Variants in CLIC2 observed in about 807,000 individuals in gnomAD.
CLIC2 encodes chloride intracellular channel protein 2.
In CLIC2, 9 loss-of-function variants were observed where a neutral mutation model predicts 14.8. The ratio of observed to expected loss-of-function variants is 0.61; its 90% CI spans 0.37 to 1.06. The LOEUF is 1.06. CLIC2 is among the 50% of genes least tolerant of loss of function. CLIC2 has a pLI of 0.01. For synonymous variants in CLIC2, 61 were observed against 66.3 expected (o/e 0.92, Z 0.39); for missense variants, 148 against 181.4 (o/e 0.82, Z 1.06).
intron 1 of CLIC2, among the ~76,000 whole-genome samples, chrX:155,301,167 G>A (rs1343967854): frequency 1.2e-4 from 11 of 89,709 alleles, no homozygotes; most frequent in African/African-American, 4.2e-4. Context: ...ATTACCTTGG[G>A]CAGTATGGCC....
intron 1 of CLIC2, among the ~76,000 whole-genome samples, chrX:155,327,671 G>T (rs1557322469): frequency 1.8e-5 from 2 of 110,799 alleles, no homozygotes; most frequent in African/African-American, 6.5e-5. Flanking sequence ...AATAGCTAAT[G>T]GGTACTAGGC....
chrX:155,318,461 G>T (rs1466462376), intron 1 of CLIC2, among the ~76,000 whole-genome samples: 1 of 111,432 alleles, frequency 9.0e-6, no homozygotes, highest in East Asian at 2.8e-4. Context: ...TACCATAGTT[G>T]CAAAAAATAA....
At position 155,277,730 on chromosome X, in the gene CLIC2, A is replaced by G; in HGVS notation, c.*173T>C. On this transcript the variant is annotated 3_prime_UTR_variant, in exon 6 of 6. Coordinates refer to ENST00000369449, the MANE Select transcript of CLIC2 (RefSeq NM_001289.6). ...ATTAAGTAAAAGTATGAAGACCTGT[A>G]AAATACAGTGGACAGATTATTTATG... is the stretch of plus-strand genomic sequence containing the variant. 2.2e-6 allele frequency: 1 copy of G among 448,436 alleles called. No individual in the cohort carries two copies. The highest frequency in any genetic ancestry group is 3.8e-6 in the Non-Finnish European group (1 of 263,075). 37.0% of individuals were successfully genotyped at this position (448,436 alleles called of 1,213,427 possible).
At chrX:155,317,612 C>T (rs1264381079) in intron 1 of CLIC2, among the ~76,000 whole-genome samples, 2 of 111,759 alleles carry the variant, frequency 1.8e-5, no homozygotes, top group African/African-American at 6.5e-5. Flanking sequence ...GACAGATTTA[C>T]AGCTGCATTC....
intron 3 of CLIC2, chrX:155,293,101 G>A: frequency 3.2e-6 from 2 of 617,895 alleles, no homozygotes; most frequent in South Asian, 2.2e-5. Flanking sequence ...AGATGACGGC[G>A]AAGATGGTTG....
intron 1 of CLIC2, among the ~76,000 whole-genome samples, chrX:155,308,101 C>G (rs1022313043): frequency 9.1e-6 from 1 of 109,855 alleles, no homozygotes; most frequent in African/African-American, 3.3e-5. Context: ...CCTGGAGCAA[C>G]AGAGATACGT....
chrX:155,278,987 G>T, intron 5 of CLIC2, 162 bp downstream of exon 5: 1 of 499,263 alleles, frequency 2.0e-6, no homozygotes, highest in Non-Finnish European at 3.5e-6. Flanking sequence ...AGAACATTAT[G>T]GATCTTCCCT....
intron 1 of CLIC2, among the ~76,000 whole-genome samples, chrX:155,332,924 T>C (rs1557322973): frequency 8.9e-6 from 1 of 112,394 alleles, no homozygotes; most frequent in Non-Finnish European, 1.9e-5. Flanking sequence ...TGATTTGGAA[T>C]TGGTAAATGT....
At chrX:155,325,760 TGATATA>T (rs1272000641) in intron 1 of CLIC2, among the ~76,000 whole-genome samples, 1 of 32,379 alleles carries the variant, frequency 3.1e-5, no homozygotes. Flanking sequence ...AAAGAAAATG[TGATATA>T]TATATATATA....
At chrX:155,323,994 A>G (rs2075127021) in intron 1 of CLIC2, among the ~76,000 whole-genome samples, 1 of 112,257 alleles carries the variant, frequency 8.9e-6, no homozygotes, top group Non-Finnish European at 1.9e-5. Flanking sequence ...TTTGAGGAGA[A>G]CTACAAACCA....
At chrX:155,309,162 C>T (rs1557320303) in intron 1 of CLIC2, among the ~76,000 whole-genome samples, 1 of 111,275 alleles carries the variant, frequency 9.0e-6, no homozygotes, top group African/African-American at 3.3e-5. Flanking sequence ...AACAATTATC[C>T]AGGCATGGTG....
At chrX:155,326,743 T>C (rs2075139724) in intron 1 of CLIC2, among the ~76,000 whole-genome samples, 1 of 111,515 alleles carries the variant, frequency 9.0e-6, no homozygotes, top group Non-Finnish European at 1.9e-5. Context: ...GGAGTAGTAC[T>C]CAGCAATAAA....
At chrX:155,285,969 A>G (rs2074941182) in intron 3 of CLIC2, among the ~76,000 whole-genome samples, 1 of 110,181 alleles carries the variant, frequency 9.1e-6, no homozygotes, top group Non-Finnish European at 1.9e-5. Context: ...CCCAAAAACC[A>G]TATTTATTTC....
At chrX:155,313,016 A>G (rs1557320735) in intron 1 of CLIC2, among the ~76,000 whole-genome samples, 4 of 110,813 alleles carry the variant, frequency 3.6e-5, no homozygotes, top group African/African-American at 1.3e-4. Context: ...AGAATGAGAC[A>G]CCATCTCACG....
At chrX:155,325,712 G>A (rs1248053887) in intron 1 of CLIC2, among the ~76,000 whole-genome samples, 3 of 93,086 alleles carry the variant, frequency 3.2e-5, no homozygotes, top group Non-Finnish European at 6.3e-5. Context: ...AAACCTGCAC[G>A]TTCTGCACAT....
At chrX:155,324,536 G>A (rs1557322095) in intron 1 of CLIC2, among the ~76,000 whole-genome samples, 1 of 111,726 alleles carries the variant, frequency 9.0e-6, no homozygotes, top group East Asian at 2.8e-4. Context: ...TTTAATAAAT[G>A]GTGCTGGGAA....
intron 1 of CLIC2, among the ~76,000 whole-genome samples, chrX:155,301,324 C>T (rs1157851029): frequency 3.7e-5 from 4 of 109,187 alleles, no homozygotes; most frequent in Admixed American, 2.9e-4. Flanking sequence ...CTAGGTATTT[C>T]ATTCTCTTTG....
intron 1 of CLIC2, among the ~76,000 whole-genome samples, chrX:155,325,761 GATATATAT>G (rs60334475): frequency 0.091 from 2,982 of 32,835 alleles, 104 homozygotes; most frequent in South Asian, 0.14. Flanking sequence ...AAGAAAATGT[GATATATAT>G]ATATATATAT....
intron 1 of CLIC2, among the ~76,000 whole-genome samples, chrX:155,304,600 C>A (rs1360359314): frequency 2.9e-5 from 3 of 102,501 alleles, no homozygotes; most frequent in African/African-American, 7.0e-5. Context: ...CATTCTCCAT[C>A]CAGCTTTGTT....
Sources: gnomAD v4.1 joint callset for allele counts (sites outside exome capture counted in the v4.1 genomes callset) on GRCh38, gnomAD v4.1.1 for gene constraint, MANE v1.5 for transcripts, NCBI Gene and HGNC (gene_info 2026-07-23, HGNC 2026-07-21) for gene names.